Variants in CHRM3 observed in about 807,000 individuals in gnomAD.
CHRM3 encodes muscarinic acetylcholine receptor M3.
In CHRM3, 11 loss-of-function variants were observed where a neutral mutation model predicts 41.8. That is an observed-to-expected ratio of 0.26 (90% CI 0.17 to 0.44). CHRM3 has a LOEUF of 0.44. Ranked by LOEUF, CHRM3 falls within the 20% of genes least tolerant of loss-of-function variation. CHRM3 has a pLI of 1.00. For missense variants in CHRM3, 571 were observed against 745.4 expected (o/e 0.77, Z 2.72); for synonymous variants, 297 against 301.4 (o/e 0.99, Z 0.15).
intron 6 of CHRM3, among the ~76,000 whole-genome samples, chr1:239,853,127 G>A (rs1418442414): frequency 1.3e-5 from 2 of 151,416 alleles, no homozygotes; most frequent in African/African-American, 4.8e-5. Context: ...CTTAGTAGAG[G>A]GAAACTATCA....
At chr1:239,584,936 T>C (rs1359947118) in intron 3 of CHRM3, among the ~76,000 whole-genome samples, 2 of 152,148 alleles carry the variant, frequency 1.3e-5, no homozygotes, top group Non-Finnish European at 2.9e-5. Flanking sequence ...AGTATCATAA[T>C]CCTAAGATAC....
chr1:239,849,023 C>T (rs1016383216), intron 6 of CHRM3, among the ~76,000 whole-genome samples: 39 of 152,044 alleles, frequency 2.6e-4, no homozygotes, highest in Non-Finnish European at 4.4e-4. Flanking sequence ...GAGTGTTAGT[C>T]CTTATGGATT....
chr1:239,566,068 C>G lies in CHRM3; in HGVS notation c.-313+20319C>G, dbSNP rs192551208. 2.7e-4 allele frequency among the ~76,000 whole-genome samples: 41 copies of G among 151,828 alleles called. 1 individual carries two copies. The East Asian group carries it at 7.2e-3, about 27-fold the overall frequency. On this transcript the variant is annotated intron_variant, in intron 3 of 6. Transcript: ENST00000676153. ...TAGTTGGGACTACAGGCATGTGCCA[C>G]GATGCCTGGCTGTATTTTTTTTTTT...
intron 6 of CHRM3, among the ~76,000 whole-genome samples, chr1:239,905,420 A>G (rs180676721): frequency 1.3e-4 from 20 of 152,320 alleles, no homozygotes; most frequent in Non-Finnish European, 2.4e-4. Context: ...TAAATGAGAT[A>G]ATACACTGGG....
In CHRM3 at chr1:239,913,302, T is replaced by C. The variant is rs1454733453; in HGVS notation, c.*4078T>C. 6.0e-6 allele frequency: 1 copy of C among 167,050 alleles called. No homozygotes were observed. The highest frequency in any genetic ancestry group is 1.9e-4 in the East Asian group (1 of 5,182). The allele number at this position is 167,050 out of a possible 1,614,324, so 10.3% of individuals were successfully genotyped here. A position where few individuals can be genotyped will look rare whatever the true frequency, so the allele number is the denominator to read the frequency against. ...TGTTTGCTTTGGTTTTGCAATAGCATTTCTCATAACAGAACTGAAACTGTA... is the reference window on the plus strand; with the variant it reads ...TGTTTGCTTTGGTTTTGCAATAGCACTTCTCATAACAGAACTGAAACTGTA... On this transcript the variant is annotated 3_prime_UTR_variant, in exon 7 of 7. Transcript: ENST00000676153.
intron 6 of CHRM3, among the ~76,000 whole-genome samples, chr1:239,871,287 G>A (rs1676560764): frequency 6.6e-6 from 1 of 152,144 alleles, no homozygotes. Flanking sequence ...CTGTTGCGAG[G>A]CTGGAATAGA....
chr1:239,449,860 A>T (rs983294025), intron 1 of CHRM3, among the ~76,000 whole-genome samples: 1 of 152,004 alleles, frequency 6.6e-6, no homozygotes, highest in Non-Finnish European at 1.5e-5. Flanking sequence ...ACCTAAATTC[A>T]AGTCCCTGCG....
chr1:239,474,180 T>C (rs1666319583), intron 1 of CHRM3, among the ~76,000 whole-genome samples: 1 of 152,060 alleles, frequency 6.6e-6, no homozygotes, highest in South Asian at 2.1e-4. Flanking sequence ...AGCACTGAGA[T>C]GTTACTTTTA....
At chr1:239,792,665 A>T (rs536071) in intron 5 of CHRM3, among the ~76,000 whole-genome samples, 3 of 152,054 alleles carry the variant, frequency 2.0e-5, no homozygotes, top group Admixed American at 6.5e-5. Context: ...GTGTTCAAAT[A>T]AAGTTATAGG....
chr1:239,874,711 A>G lies in CHRM3; in HGVS notation c.-19-32722A>G, dbSNP rs1172359485. Among the ~76,000 whole-genome samples, 3 of 141,684 alleles carry G rather than the reference A, an allele frequency of 2.1e-5. No individual in the cohort carries two copies. The South Asian group carries it at 6.7e-4, about 32-fold the overall frequency. The allele number at this position is 141,684 out of a possible 152,430, so 93.0% of individuals were successfully genotyped here. A position where few individuals can be genotyped will look rare whatever the true frequency, so the allele number is the denominator to read the frequency against. ...TTTTGGCATTACTTTTTTTTTTTTT[A>G]TTTTGCGATGGAGACTTGCTCTTGT... On this transcript the variant is annotated intron_variant, in intron 6 of 6. Coordinates refer to ENST00000676153, the MANE Select transcript of CHRM3 (RefSeq NM_001375978.1).
chr1:239,480,759 CG>C (rs1340479386), intron 1 of CHRM3, among the ~76,000 whole-genome samples: 1 of 151,762 alleles, frequency 6.6e-6, no homozygotes, highest in Non-Finnish European at 1.5e-5. Context: ...AGAGTTTTAC[CG>C]TGTTAGCCAG....
At chr1:239,543,513 A>T (rs969323030) in intron 2 of CHRM3, among the ~76,000 whole-genome samples, 11 of 145,240 alleles carry the variant, frequency 7.6e-5, no homozygotes, top group East Asian at 2.0e-4. Flanking sequence ...GATTTATTTT[A>T]TTTTTTTTTT....
chr1:239,492,316 A>G (rs1267042382), intron 1 of CHRM3, among the ~76,000 whole-genome samples: 1 of 152,122 alleles, frequency 6.6e-6, no homozygotes, highest in Non-Finnish European at 1.5e-5. Flanking sequence ...CTTTCTTCCC[A>G]TAGTAGGTAG....
In CHRM3 at chr1:239,479,802, CAG is replaced by C. The variant is rs368722439; in HGVS notation, c.-520-12906_-520-12905del. Among the ~76,000 whole-genome samples, 43 of 151,048 alleles carry C rather than the reference CAG, an allele frequency of 2.8e-4. No homozygotes were observed. The East Asian group carries it at 7.5e-3, about 26-fold the overall frequency. ...ATAGCACATGTCTAAAGTACACTAA[CAG>C]TGAATCAAGCTTGCAGGACTGCAAG... On this transcript the variant is annotated intron_variant, in intron 1 of 6. Coordinates refer to ENST00000676153, the MANE Select transcript of CHRM3 (RefSeq NM_001375978.1).
intron 4 of CHRM3, among the ~76,000 whole-genome samples, chr1:239,651,606 G>A (rs1348989282): frequency 1.3e-5 from 2 of 152,120 alleles, no homozygotes; most frequent in African/African-American, 4.8e-5. Context: ...TGAGTTGCAT[G>A]CCTACCTCCA....
chr1:239,860,600 A>T (rs1450213580), intron 6 of CHRM3, among the ~76,000 whole-genome samples: 1 of 152,206 alleles, frequency 6.6e-6, no homozygotes, highest in Admixed American at 6.5e-5. Flanking sequence ...TATGTTGCAG[A>T]CACACCTTAT....
At chr1:239,480,873 A>G (rs988209896) in intron 1 of CHRM3, among the ~76,000 whole-genome samples, 10 of 152,164 alleles carry the variant, frequency 6.6e-5, no homozygotes, top group Non-Finnish European at 1.3e-4. Flanking sequence ...CCTAAATATT[A>G]TAACAAACCA....
At chr1:239,541,743 A>C (rs1430267291) in intron 2 of CHRM3, among the ~76,000 whole-genome samples, 1 of 152,014 alleles carries the variant, frequency 6.6e-6, no homozygotes, top group African/African-American at 2.4e-5. Flanking sequence ...GACCTCCTGG[A>C]CTCAAGCAAT....
At chr1:239,525,357 C>T (rs574254052) in intron 2 of CHRM3, among the ~76,000 whole-genome samples, 3 of 152,068 alleles carry the variant, frequency 2.0e-5, no homozygotes, top group Admixed American at 1.3e-4. Flanking sequence ...AAAAAATCCA[C>T]GTGATATTTA....
Sources: allele counts gnomAD v4.1 joint callset (sites outside exome capture counted in the v4.1 genomes callset), GRCh38; gene constraint gnomAD v4.1.1; transcripts MANE v1.5; gene names NCBI Gene and HGNC (gene_info 2026-07-23, HGNC 2026-07-21).